The following LRRTM4 variants were observed in gnomAD, a reference collection of about 807,000 sequenced individuals.
The protein encoded by LRRTM4 is leucine rich repeat transmembrane neuronal 4.
In LRRTM4, 25 loss-of-function variants were observed where a neutral mutation model predicts 47.6. That is an observed-to-expected ratio of 0.53 (90% CI 0.38 to 0.73). LRRTM4 has a LOEUF of 0.73. Ranked by LOEUF, LRRTM4 falls within the 30% of genes least tolerant of loss-of-function variation. LRRTM4 has a pLI of 0.00. For synonymous variants in LRRTM4, 311 were observed against 269.5 expected (o/e 1.15, Z -1.51); for missense variants, 638 against 713.4 (o/e 0.89, Z 1.20).
In LRRTM4 at chr2:77,490,935, C is replaced by A. The variant is rs528840463; in HGVS notation, c.1551+27383G>T. 1.4e-4 allele frequency among the ~76,000 whole-genome samples: 21 copies of A among 151,618 alleles called. 1 individual carries two copies. The East Asian group carries it at 3.7e-3, about 27-fold the overall frequency. ...TGAAAAATGTTGAAAAGGATCAGTG[C>A]AACAGTTCACAAAATGATTCATTTT... is the stretch of plus-strand genomic sequence containing the variant. On this transcript the variant is annotated intron_variant, in intron 3 of 3. Transcript: ENST00000409884.
At chr2:77,219,646 G>A (rs895118480) in intron 3 of LRRTM4, among the ~76,000 whole-genome samples, 3 of 152,124 alleles carry the variant, frequency 2.0e-5, no homozygotes, top group African/African-American at 7.2e-5. Flanking sequence ...TTTGCATCTT[G>A]GAATCAGGGC....
intron 3 of LRRTM4, among the ~76,000 whole-genome samples, chr2:77,135,333 C>A (rs1256193428): frequency 6.6e-6 from 1 of 152,172 alleles, no homozygotes; most frequent in Non-Finnish European, 1.5e-5. Context: ...TGTTAAATGG[C>A]ACATTGGCAC....
intron 3 of LRRTM4, among the ~76,000 whole-genome samples, chr2:77,034,921 T>C (rs1457527346): frequency 6.6e-6 from 1 of 151,950 alleles, no homozygotes; most frequent in African/African-American, 2.4e-5. Context: ...TTACAGTTCA[T>C]ATATAAAACC....
At chr2:77,374,499 G>T (rs1339236847) in intron 3 of LRRTM4, among the ~76,000 whole-genome samples, 1 of 151,800 alleles carries the variant, frequency 6.6e-6, no homozygotes, top group Non-Finnish European at 1.5e-5. Context: ...GAATGTGAGT[G>T]ATATCAATAT....
At chr2:77,268,940 C>G (rs1676122645) in intron 3 of LRRTM4, among the ~76,000 whole-genome samples, 2 of 152,112 alleles carry the variant, frequency 1.3e-5, no homozygotes, top group African/African-American at 4.8e-5. Context: ...TCATAAGCTC[C>G]ACGGCAGGGC....
intron 3 of LRRTM4, among the ~76,000 whole-genome samples, chr2:77,302,158 G>A (rs1553424981): frequency 6.6e-6 from 1 of 151,812 alleles, no homozygotes; most frequent in Non-Finnish European, 1.5e-5. Flanking sequence ...CTCACATCAG[G>A]GCAGTAAAAT....
At chr2:77,261,943 G>A (rs2104042916) in intron 3 of LRRTM4, among the ~76,000 whole-genome samples, 1 of 152,102 alleles carries the variant, frequency 6.6e-6, no homozygotes, top group South Asian at 2.1e-4. Context: ...AGGTGATTGA[G>A]CAAAGCTTCC....
intron 3 of LRRTM4, among the ~76,000 whole-genome samples, chr2:77,411,939 G>C (rs1006205812): frequency 6.6e-6 from 1 of 152,052 alleles, no homozygotes; most frequent in Non-Finnish European, 1.5e-5. Context: ...CTTGGTTTTA[G>C]GTTCTGAGGT....
At chr2:76,817,153 A>G (rs1197013849) in intron 3 of LRRTM4, among the ~76,000 whole-genome samples, 1 of 151,924 alleles carries the variant, frequency 6.6e-6, no homozygotes, top group Non-Finnish European at 1.5e-5. Context: ...AAGAAAGATA[A>G]TTTCACATGG....
chr2:76,898,134 T>A (rs1442235525), intron 3 of LRRTM4, among the ~76,000 whole-genome samples: 1 of 152,256 alleles, frequency 6.6e-6, no homozygotes, highest in Admixed American at 6.5e-5. Flanking sequence ...TGTTATACCC[T>A]TGTTTTTTTC....
chr2:77,265,358 T>C (rs767153188), intron 3 of LRRTM4, among the ~76,000 whole-genome samples: 5 of 152,226 alleles, frequency 3.3e-5, no homozygotes, highest in Admixed American at 1.3e-4. Flanking sequence ...ATGAGGTCTC[T>C]GCCCTCATAA....
chr2:76,748,336 C>A lies in LRRTM4; in HGVS notation c.*359G>T. 1 of 182,234 alleles carries A rather than the reference C, an allele frequency of 5.5e-6. No individual in the cohort carries two copies. The highest frequency in any genetic ancestry group is 1.2e-5 in the Non-Finnish European group (1 of 86,452). The allele number at this position is 182,234 out of a possible 1,614,324, so 11.3% of individuals were successfully genotyped here. ...TGTTTATTTGCTCCCCTGTGGTTCT[C>A]CAGCCCAGGAACCATGCAGTGTAGA... is the stretch of plus-strand genomic sequence containing the variant. On this transcript the variant is annotated 3_prime_UTR_variant, in exon 4 of 4. Transcript: ENST00000409884.
At chr2:77,081,247 AACACACACACACACACACACACAC>A (rs58897041) in intron 3 of LRRTM4, among the ~76,000 whole-genome samples, 1 of 139,906 alleles carries the variant, frequency 7.1e-6, no homozygotes, top group African/African-American at 2.6e-5. Context: ...ACCTGACAGC[AACACACACACACACACACACACAC>A]ACACACACAC....
chr2:77,042,131 A>G (rs1679055500), intron 3 of LRRTM4, among the ~76,000 whole-genome samples: 1 of 151,552 alleles, frequency 6.6e-6, no homozygotes, highest in African/African-American at 2.4e-5. Flanking sequence ...GTTTTAGATA[A>G]TAGTATTATA....
chr2:76,978,442 T>C (rs1189456026), intron 3 of LRRTM4, among the ~76,000 whole-genome samples: 1 of 152,096 alleles, frequency 6.6e-6, no homozygotes, highest in African/African-American at 2.4e-5. Context: ...ATATATTTTT[T>C]ACAATGTTCT....
chr2:76,809,726 C>A (rs1383393138), intron 3 of LRRTM4, among the ~76,000 whole-genome samples: 1 of 152,150 alleles, frequency 6.6e-6, no homozygotes, highest in Non-Finnish European at 1.5e-5. Context: ...CCTACAAGAA[C>A]CTGGACGAGT....
chr2:77,086,163 C>G (rs1673293772), intron 3 of LRRTM4, among the ~76,000 whole-genome samples: 1 of 152,090 alleles, frequency 6.6e-6, no homozygotes, highest in Non-Finnish European at 1.5e-5. Context: ...GTGCCAGCCA[C>G]TGTTCTACAC....
intron 3 of LRRTM4, among the ~76,000 whole-genome samples, chr2:76,792,262 AT>A (rs1268149921): frequency 6.6e-6 from 1 of 152,182 alleles, no homozygotes; most frequent in Non-Finnish European, 1.5e-5. Flanking sequence ...CAAAATAACC[AT>A]TAAAAAAACC....
chr2:76,810,932 T>G (rs1573150942), intron 3 of LRRTM4, among the ~76,000 whole-genome samples: 1 of 152,180 alleles, frequency 6.6e-6, no homozygotes, highest in Non-Finnish European at 1.5e-5. Flanking sequence ...TACCATACTA[T>G]TCAATAGCAC....
Sources: allele counts gnomAD v4.1 joint callset (sites outside exome capture counted in the v4.1 genomes callset), GRCh38; gene constraint gnomAD v4.1.1; transcripts MANE v1.5; gene names NCBI Gene and HGNC (gene_info 2026-07-23, HGNC 2026-07-21).